The following AJAP1 variants were observed in gnomAD, a reference collection of about 807,000 sequenced individuals.
AJAP1 encodes the protein adherens junction-associated protein 1.
A neutral mutation model predicts 35.0 loss-of-function variants in AJAP1; 5 were observed. The observed-to-expected ratio is 0.14, with a 90% confidence interval of 0.07 to 0.30. The LOEUF (loss-of-function observed/expected upper bound fraction) is 0.30. AJAP1 is among the 10% of genes least tolerant of loss of function. The pLI, the probability that AJAP1 is intolerant of heterozygous loss-of-function variation, is 1.00. For synonymous variants in AJAP1, 284 were observed against 249.3 expected, an observed-to-expected ratio of 1.14 and a Z score of -1.31; for missense variants, 586 against 571.0, an observed-to-expected ratio of 1.03 and a Z score of -0.27.
chr1:4,758,934 A>G (rs1365451672), intron 2 of AJAP1, among the ~76,000 whole-genome samples: 1 of 152,206 alleles, frequency 6.6e-6, no homozygotes, highest in African/African-American at 2.4e-5. Context: ...ATGCTGGGTT[A>G]CAGGCTTTCT....
At chr1:4,749,487 C>T (rs913418114) in intron 2 of AJAP1, among the ~76,000 whole-genome samples, 2 of 152,208 alleles carry the variant, frequency 1.3e-5, no homozygotes, top group Admixed American at 6.5e-5. Flanking sequence ...TGCTGTCATG[C>T]GCTTATATGC....
At chr1:4,690,936 C>G (rs1335724335) in intron 1 of AJAP1, among the ~76,000 whole-genome samples, 1 of 152,212 alleles carries the variant, frequency 6.6e-6, no homozygotes, top group Non-Finnish European at 1.5e-5. Context: ...CTCCTATCCC[C>G]TGTGCTGGAC....
chr1:4,767,718 C>T (rs12748582), intron 2 of AJAP1, among the ~76,000 whole-genome samples: 12 of 151,410 alleles, frequency 7.9e-5, no homozygotes, highest in Admixed American at 5.3e-4. Context: ...ACCATCATCA[C>T]CACCATCACC....
chr1:4,772,923 T>C (rs545432123), intron 4 of AJAP1, among the ~76,000 whole-genome samples: 1 of 152,310 alleles, frequency 6.6e-6, no homozygotes, highest in East Asian at 1.9e-4. Flanking sequence ...CTCTGAGCCC[T>C]GTCAATAAAA....
chr1:4,747,093 A>C (rs1287805863), intron 2 of AJAP1, among the ~76,000 whole-genome samples: 1 of 152,254 alleles, frequency 6.6e-6, no homozygotes, highest in Non-Finnish European at 1.5e-5. Flanking sequence ...GACGTCAGCC[A>C]GAGCCAAAGG....
intron 1 of AJAP1, among the ~76,000 whole-genome samples, chr1:4,663,459 C>T (rs112973731): frequency 6.6e-5 from 10 of 152,296 alleles, no homozygotes; most frequent in African/African-American, 2.4e-4. Flanking sequence ...CGGCACCAAC[C>T]ACAGACTTGG....
At chr1:4,757,880 CA>C (rs1641468502) in intron 2 of AJAP1, among the ~76,000 whole-genome samples, 1 of 152,148 alleles carries the variant, frequency 6.6e-6, no homozygotes, top group African/African-American at 2.4e-5. Context: ...TGTCCCCACC[CA>C]AATCTCCTCT....
chr1:4,738,908 G>T (rs1462996151), intron 2 of AJAP1, among the ~76,000 whole-genome samples: 1 of 152,148 alleles, frequency 6.6e-6, no homozygotes, highest in East Asian at 1.9e-4. Flanking sequence ...AAGACCTGGG[G>T]CCCTGGCAGC....
chr1:4,674,034 C>T (rs567313708), intron 1 of AJAP1, among the ~76,000 whole-genome samples: 10 of 141,368 alleles, frequency 7.1e-5, no homozygotes, highest in East Asian at 4.0e-4. Flanking sequence ...GCTTATCCCC[C>T]CCGCCACCAA....
At chr1:4,698,011 G>A (rs1375192126) in intron 1 of AJAP1, among the ~76,000 whole-genome samples, 1 of 152,238 alleles carries the variant, frequency 6.6e-6, no homozygotes, top group Non-Finnish European at 1.5e-5. Flanking sequence ...ATTAAGCTGT[G>A]CAGTCATCGC....
At chr1:4,755,466 G>A (rs1641408099) in intron 2 of AJAP1, among the ~76,000 whole-genome samples, 1 of 151,990 alleles carries the variant, frequency 6.6e-6, no homozygotes, top group South Asian at 2.1e-4. Flanking sequence ...TTTGCAGGCA[G>A]AGCACCCTGC....
intron 2 of AJAP1, among the ~76,000 whole-genome samples, chr1:4,761,533 C>G (rs144605950): frequency 2.0e-5 from 3 of 152,198 alleles, no homozygotes; most frequent in Non-Finnish European, 4.4e-5. Flanking sequence ...CATTGGCCAT[C>G]GGCCATTTCT....
chr1:4,775,265 G>A (rs1384926360), intron 5 of AJAP1, among the ~76,000 whole-genome samples: 8 of 152,068 alleles, frequency 5.3e-5, no homozygotes, highest in African/African-American at 1.7e-4. Context: ...AGAGCATTGC[G>A]CCCTCATGGC....
At chr1:4,737,407 AT>A (rs1231837219) in intron 2 of AJAP1, among the ~76,000 whole-genome samples, 1 of 150,756 alleles carries the variant, frequency 6.6e-6, no homozygotes, top group Non-Finnish European at 1.5e-5. Flanking sequence ...GTGGGGTGAG[AT>A]TTTTTTTTCT....
At chr1:4,695,285 G>A (rs954980027) in intron 1 of AJAP1, among the ~76,000 whole-genome samples, 34 of 152,176 alleles carry the variant, frequency 2.2e-4, no homozygotes, top group Admixed American at 6.5e-4. Flanking sequence ...GCTGCACTCC[G>A]TGGTGAGTGG....
intron 2 of AJAP1, among the ~76,000 whole-genome samples, chr1:4,761,816 A>T (rs564510940): frequency 1.7e-4 from 26 of 152,184 alleles, no homozygotes; most frequent in Non-Finnish European, 8.8e-5. Context: ...AAACCCATCT[A>T]GTCTTCTCAC....
At chr1:4,711,863 C>T in intron 1 of AJAP1, 37 bp from the exon 2 acceptor site, 1 of 1,431,870 alleles carries the variant, frequency 7.0e-7, no homozygotes, top group African/African-American at 1.5e-5. Flanking sequence ...TCCTGGGCTT[C>T]CACTGACCGC....
rs36004956 is a variant in AJAP1 at position 4,783,521 on chromosome 1, GTATATATATA to G, written c.*1050_*1059del. On this transcript the variant is annotated 3_prime_UTR_variant, in exon 6 of 6. Transcript: ENST00000378191. ...TATATATATATATATGTTTGTGTGT[GTATATATATA>G]TATATATATATATGTTTGTGTGTGT... is the stretch of plus-strand genomic sequence containing the variant. 8.3e-6 allele frequency: 1 copy of G among 120,420 alleles called. No individual in the cohort carries two copies. Among genetic ancestry groups the G allele is most frequent in the Non-Finnish European group, 1.7e-5 (1 of 58,348 alleles). The allele number at this position is 120,420 out of a possible 1,614,324, so 7.5% of individuals were successfully genotyped here. A position where few individuals can be genotyped will look rare whatever the true frequency, so the allele number is the denominator to read the frequency against.
At chr1:4,768,780 A>T (rs561230353) in intron 2 of AJAP1, among the ~76,000 whole-genome samples, 1 of 152,242 alleles carries the variant, frequency 6.6e-6, no homozygotes, top group East Asian at 1.9e-4. Context: ...CTCAGGTGCT[A>T]AAGTGGACCT....
Sources: allele counts gnomAD v4.1 joint callset (sites outside exome capture counted in the v4.1 genomes callset), GRCh38; gene constraint gnomAD v4.1.1; transcripts MANE v1.5; gene names NCBI Gene and HGNC (gene_info 2026-07-23, HGNC 2026-07-21).